SLC14A2: variants seen among roughly 807,000 people sequenced by gnomAD.
SLC14A2 encodes the protein solute carrier family 14 member 2.
In SLC14A2, 91 loss-of-function variants were observed where a neutral mutation model predicts 104.6. That is an observed-to-expected ratio of 0.87 (90% CI 0.73 to 1.04). SLC14A2 has a LOEUF of 1.04. SLC14A2 is among the 50% of genes least tolerant of loss of function. SLC14A2 has a pLI of 0.00. For synonymous variants in SLC14A2, 476 were observed against 466.4 expected (o/e 1.02, Z -0.27); for missense variants, 1,189 against 1,156.0 (o/e 1.03, Z -0.41).
chr18:45,448,055 A>T (rs1369942241), intron 1 of SLC14A2, among the ~76,000 whole-genome samples: 1 of 152,252 alleles, frequency 6.6e-6, no homozygotes, highest in Non-Finnish European at 1.5e-5. Context: ...TTAATAGATT[A>T]TCCATGATCA....
At chr18:45,359,219 A>G (rs752227579) in intron 1 of SLC14A2, among the ~76,000 whole-genome samples, 8 of 152,172 alleles carry the variant, frequency 5.3e-5, no homozygotes, top group African/African-American at 9.7e-5. Context: ...CCCTTTTTAT[A>G]GGGCTGGTTT....
chr18:45,217,177 A>G (rs539974374), intron 1 of SLC14A2, among the ~76,000 whole-genome samples: 1 of 150,896 alleles, frequency 6.6e-6, no homozygotes, highest in Non-Finnish European at 1.5e-5. Flanking sequence ...CTAACCAAAT[A>G]TGGAGAACAC....
chr18:45,534,369 C>G (rs957331495), intron 2 of SLC14A2, among the ~76,000 whole-genome samples: 2 of 152,062 alleles, frequency 1.3e-5, no homozygotes, highest in African/African-American at 4.8e-5. Flanking sequence ...AGGAAAAAAA[C>G]CCCAGAGAGG....
intron 1 of SLC14A2, among the ~76,000 whole-genome samples, chr18:45,274,502 T>A (rs771823006): frequency 2.0e-5 from 3 of 152,186 alleles, no homozygotes; most frequent in Admixed American, 6.5e-5. Context: ...AAGGTCCAGG[T>A]TTTCCAAATC....
chr18:45,276,871 G>A (rs978237697), intron 1 of SLC14A2, among the ~76,000 whole-genome samples: 3 of 152,172 alleles, frequency 2.0e-5, no homozygotes, highest in East Asian at 1.9e-4. Flanking sequence ...TGGCTGCTTC[G>A]ACCAGTGATA....
chr18:45,448,120 GCTTCTATT>G (rs2086799799), intron 1 of SLC14A2, among the ~76,000 whole-genome samples: 1 of 152,174 alleles, frequency 6.6e-6, no homozygotes, highest in South Asian at 2.1e-4. Context: ...ACACCCACCT[GCTTCTATT>G]CTAGGCAAAA....
intron 2 of SLC14A2, chr18:45,542,531 T>A (rs2043906908): frequency 6.6e-6 from 1 of 152,126 alleles, no homozygotes; most frequent in Admixed American, 6.5e-5. Flanking sequence ...AATGATAGCA[T>A]CCATAAAGAT....
chr18:45,436,966 TTGGTCCTC>T (rs1281111348), intron 1 of SLC14A2, among the ~76,000 whole-genome samples: 1 of 152,170 alleles, frequency 6.6e-6, no homozygotes, highest in Non-Finnish European at 1.5e-5. Context: ...CCAAAGCATG[TTGGTCCTC>T]CGCTCAGGAT....
At chr18:45,398,152 G>A (rs1444204202) in intron 1 of SLC14A2, among the ~76,000 whole-genome samples, 3 of 152,158 alleles carry the variant, frequency 2.0e-5, no homozygotes, top group Admixed American at 1.3e-4. Context: ...CTAAATGAAT[G>A]AGGCAAGGCC....
chr18:45,606,275 T>G (rs2044866240), intron 2 of SLC14A2, among the ~76,000 whole-genome samples: 1 of 152,136 alleles, frequency 6.6e-6, no homozygotes, highest in South Asian at 2.1e-4. Flanking sequence ...ACTATCTGGT[T>G]CCTTTCTTAT....
At chr18:45,235,895 GTATGTATGTATATATACATA>G (rs1370510298) in intron 1 of SLC14A2, among the ~76,000 whole-genome samples, 19 of 106,312 alleles carry the variant, frequency 1.8e-4, no homozygotes, top group African/African-American at 7.1e-4. Context: ...ATATATGTGT[GTATGTATGTATATATACATA>G]TATGTGTGTA....
the SLC14A2 span, among the ~76,000 whole-genome samples, chr18:45,193,484 A>T: frequency 6.6e-6 from 1 of 152,212 alleles, no homozygotes; most frequent in Non-Finnish European, 1.5e-5. Context: ...TCATCTTTCC[A>T]CACTGAATTT....
intron 1 of SLC14A2, among the ~76,000 whole-genome samples, chr18:45,466,092 G>T (rs1320740487): frequency 1.3e-5 from 2 of 152,030 alleles, no homozygotes; most frequent in Non-Finnish European, 2.9e-5. Context: ...AGAAAGTGAG[G>T]ATTATTATCC....
chr18:45,510,547 A>G (rs548138460), intron 2 of SLC14A2, among the ~76,000 whole-genome samples: 18 of 152,192 alleles, frequency 1.2e-4, no homozygotes, highest in African/African-American at 4.1e-4. Context: ...GAATGTCACA[A>G]TATTGCCTTC....
chr18:45,400,252 CCTCAAT>C (rs2086081322), intron 1 of SLC14A2, among the ~76,000 whole-genome samples: 1 of 152,112 alleles, frequency 6.6e-6, no homozygotes, highest in Non-Finnish European at 1.5e-5. Context: ...CTCTGATTTC[CCTCAAT>C]CTCAAACAGT....
intron 1 of SLC14A2, among the ~76,000 whole-genome samples, chr18:45,362,569 G>A (rs1383064277): frequency 6.6e-6 from 1 of 152,154 alleles, no homozygotes. Flanking sequence ...ACTAGATGGT[G>A]GATGTAAAGA....
intron 1 of SLC14A2, among the ~76,000 whole-genome samples, chr18:45,381,667 TAATTC>T (rs1354250263): frequency 6.6e-6 from 1 of 152,238 alleles, no homozygotes; most frequent in Admixed American, 6.5e-5. Context: ...ATTTGTATCT[TAATTC>T]AAGTAACATT....
intron 2 of SLC14A2, among the ~76,000 whole-genome samples, chr18:45,572,707 C>G (rs16978410): frequency 0.024 from 3,643 of 152,270 alleles, 167 homozygotes; most frequent in African/African-American, 0.082. Flanking sequence ...AGGTTATTGT[C>G]ATCGTATATA....
At chr18:45,215,489 G>T (rs1348462428) in intron 1 of SLC14A2, among the ~76,000 whole-genome samples, 1 of 152,136 alleles carries the variant, frequency 6.6e-6, no homozygotes, top group African/African-American at 2.4e-5. Context: ...AAATAGGAAA[G>T]GGAAAAAAAA....
Sources: allele counts gnomAD v4.1 joint callset (sites outside exome capture counted in the v4.1 genomes callset), GRCh38; gene constraint gnomAD v4.1.1; transcripts MANE v1.5; gene names NCBI Gene and HGNC (gene_info 2026-07-23, HGNC 2026-07-21).